Variants in CELF2 observed in about 807,000 individuals in gnomAD.
CELF2 encodes the protein CUGBP Elav-like family member 2.
A neutral mutation model predicts 62.6 loss-of-function variants in CELF2; 8 were observed. The observed-to-expected ratio is 0.13, with a 90% CI of 0.07 to 0.23. The LOEUF (loss-of-function observed/expected upper bound fraction) is 0.23. CELF2 is among the 10% of genes least tolerant of loss of function. The pLI is 1.00. For synonymous variants in CELF2, 258 were observed against 250.0 expected (o/e 1.03, Z -0.30); for missense variants, 333 against 671.0 (o/e 0.50, Z 5.56).
the CELF2 span, among the ~76,000 whole-genome samples, chr10:10,487,065 G>A: frequency 6.6e-6 from 1 of 152,146 alleles, no homozygotes; most frequent in Non-Finnish European, 1.5e-5. Context: ...TATGCTTAAA[G>A]GTATCAGGAC....
rs2067144569 is a variant in CELF2 at position 11,227,813 on chromosome 10, G to T, written c.354+10306G>T. ...CATCAGGGACGAGGGTACCGAGTGA[G>T]AGCAAAGGATAGGCTCCTGCAAACT... On this transcript the variant is annotated intron_variant, in intron 3 of 12. Transcript: ENST00000633077. This position sits in a 1 kb window ranked among gnomAD's most constrained non-coding sequence, Gnocchi z 4.8. Among the ~76,000 whole-genome samples the T allele has an allele frequency of 2.6e-5, 4 of 152,164 alleles. No homozygotes were observed. The highest frequency in any genetic ancestry group is 2.6e-4 in the Admixed American group (4 of 15,280).
At chr10:10,677,929 A>G in the CELF2 span, among the ~76,000 whole-genome samples, 1 of 152,228 alleles carries the variant, frequency 6.6e-6, no homozygotes, top group Non-Finnish European at 1.5e-5. Flanking sequence ...TGCAATTGCC[A>G]GGAATTGACT....
chr10:11,256,329 G>A (rs2078723030), intron 4 of CELF2, among the ~76,000 whole-genome samples: 1 of 152,192 alleles, frequency 6.6e-6, no homozygotes, highest in Non-Finnish European at 1.5e-5. Flanking sequence ...TCAGCACAGA[G>A]GTGTGCTTTA....
the CELF2 span, among the ~76,000 whole-genome samples, chr10:10,538,994 C>T: frequency 2.0e-5 from 3 of 152,228 alleles, no homozygotes; most frequent in African/African-American, 7.2e-5. Context: ...AAAAGTAATA[C>T]AGCTCAAAAC....
rs1450881504 is a variant in CELF2, at chr10:11,046,836, T to G, written c.74+28673T>G. Among the ~76,000 whole-genome samples, 2 of 152,216 alleles carry G rather than the reference T, an allele frequency of 1.3e-5. No individual in the cohort carries two copies. The highest frequency in any genetic ancestry group is 2.9e-5 in the Non-Finnish European group (2 of 68,038). ...GCTTTATTTTCTAAAATTTTAAATT[T>G]CATCGAAACTGCCTCCACTAAGCTA... On this transcript the variant is annotated intron_variant, in intron 1 of 12. Coordinates refer to ENST00000633077, the MANE Select transcript of CELF2 (RefSeq NM_001326342.2). This position sits in a 1 kb window ranked among gnomAD's most constrained non-coding sequence, Gnocchi z 4.6.
chr10:10,602,136 T>C, the CELF2 span, among the ~76,000 whole-genome samples: 1 of 152,190 alleles, frequency 6.6e-6, no homozygotes, highest in Admixed American at 6.5e-5. Flanking sequence ...ATCCAGTCTA[T>C]CACTGATGGG....
At chr10:10,937,683 C>T (rs970047738) in intron 2 of CELF2, 2 of 152,096 alleles carry the variant, frequency 1.3e-5, no homozygotes, top group African/African-American at 4.8e-5. Context: ...TGATGAGTAG[C>T]TATAATTGAC....
At chr10:11,135,298 C>G (rs943611353) in intron 1 of CELF2, among the ~76,000 whole-genome samples, 2 of 152,234 alleles carry the variant, frequency 1.3e-5, no homozygotes, top group South Asian at 4.1e-4. Flanking sequence ...TCTATATTAA[C>G]CTGCACACCT....
chr10:10,993,219 G>A lies in CELF2; in HGVS notation c.89+73220G>A, dbSNP rs1214144414. 6.6e-6 allele frequency among the ~76,000 whole-genome samples: 1 copy of A among 152,072 alleles called. No individual in the cohort carries two copies. The highest frequency in any genetic ancestry group is 1.5e-5 in the Non-Finnish European group (1 of 68,020). On this transcript the variant is annotated intron_variant, in intron 2 of 13. Coordinates refer to the CELF2 transcript ENST00000636488. This position sits in a 1 kb window ranked among gnomAD's most constrained non-coding sequence, Gnocchi z 5.3. ...GTCCTTCAGATCTCCCAAGAATCTT[G>A]TGTCTCACCCTAACTAGAAATATCT... is the stretch of plus-strand genomic sequence containing the variant.
intron 2 of CELF2, among the ~76,000 whole-genome samples, chr10:11,195,786 T>C (rs2057302510): frequency 6.6e-6 from 1 of 152,188 alleles, no homozygotes; most frequent in East Asian, 1.9e-4. Context: ...CTGCATGTCC[T>C]TTGTTTTCTG....
At chr10:11,095,468 C>G (rs946639880) in intron 1 of CELF2, among the ~76,000 whole-genome samples, 1 of 152,182 alleles carries the variant, frequency 6.6e-6, no homozygotes, top group Non-Finnish European at 1.5e-5. Context: ...TCTGCAGTAG[C>G]TCGTGAGTTT....
the CELF2 span, among the ~76,000 whole-genome samples, chr10:10,580,016 CA>C: frequency 6.6e-6 from 1 of 151,864 alleles, no homozygotes; most frequent in Non-Finnish European, 1.5e-5. Context: ...AAGAACACAT[CA>C]AAAAAGATTA....
the CELF2 span, among the ~76,000 whole-genome samples, chr10:10,670,132 C>T: frequency 3.9e-5 from 6 of 152,228 alleles, no homozygotes; most frequent in Admixed American, 2.0e-4. Context: ...AAACTCCTGA[C>T]CTCAGGTGAT....
intron 1 of CELF2, among the ~76,000 whole-genome samples, chr10:11,077,503 T>A (rs1170266217): frequency 6.6e-6 from 1 of 152,180 alleles, no homozygotes; most frequent in East Asian, 1.9e-4. Flanking sequence ...TTTGTTGGCG[T>A]TCGAAACTTC....
At chr10:11,018,223 C>A in intron 1 of CELF2, 60 bp downstream of exon 1, 1 of 1,423,018 alleles carries the variant, frequency 7.0e-7, no homozygotes, top group Non-Finnish European at 9.4e-7. Flanking sequence ...GAGTCGGCGG[C>A]GCGAAGGGGA....
chr10:11,006,420 A>G (rs1287493637), intron 1 of CELF2, among the ~76,000 whole-genome samples: 3 of 152,184 alleles, frequency 2.0e-5, no homozygotes, highest in African/African-American at 4.8e-5. Flanking sequence ...ATTAAGTTAG[A>G]GATTTATTTC....
In CELF2 at chr10:11,243,747, GA is replaced by G. The variant is rs1175990144; in HGVS notation, c.355-5405del. On this transcript the variant is annotated intron_variant, in intron 3 of 12. Transcript: ENST00000633077. This position sits in a 1 kb window ranked among gnomAD's most constrained non-coding sequence, Gnocchi z 4.1. ...GATCATGACAGCACAGACCACTGAA[GA>G]TTTTTTTAGATACAGCCCATACTGT... 2.6e-5 allele frequency among the ~76,000 whole-genome samples: 4 copies of G among 152,200 alleles called. No homozygotes were observed. The highest frequency in any genetic ancestry group is 9.7e-5 in the African/African-American group (4 of 41,440).
At chr10:11,129,297 T>C (rs1368439710) in intron 1 of CELF2, among the ~76,000 whole-genome samples, 1 of 152,232 alleles carries the variant, frequency 6.6e-6, no homozygotes, top group Non-Finnish European at 1.5e-5. Context: ...TTATTGAGAA[T>C]TTTTGCATCG....
chr10:11,273,058 CTCTT>C (rs999771161), intron 7 of CELF2, among the ~76,000 whole-genome samples: 2 of 152,200 alleles, frequency 1.3e-5, no homozygotes, highest in African/African-American at 4.8e-5. Flanking sequence ...CGCTCTCTTC[CTCTT>C]TCTGTGTGCG....
Sources: gnomAD v4.1 joint callset for allele counts (sites outside exome capture counted in the v4.1 genomes callset) on GRCh38, gnomAD v4.1.1 for gene constraint, Gnocchi (gnomAD v3.1) non-coding constraint, MANE v1.5 for transcripts, NCBI Gene and HGNC (gene_info 2026-07-23, HGNC 2026-07-21) for gene names.